Variants in USP33 observed in about 807,000 individuals in gnomAD.
USP33 encodes ubiquitin carboxyl-terminal hydrolase 33.
Under a neutral mutation model 124.2 loss-of-function variants are expected in USP33, and 46 were observed. The ratio of observed to expected loss-of-function variants is 0.37; its 90% CI spans 0.29 to 0.47. USP33 has a LOEUF of 0.47. Ranked by LOEUF, USP33 falls within the 20% of genes least tolerant of loss-of-function variation. The probability of loss-of-function intolerance (pLI) is 0.99; values close to 1 mark genes in which losing one functional copy is unlikely to be tolerated. For missense variants in USP33, 851 were observed against 1,070.6 expected (o/e 0.79, Z 2.86); for synonymous variants, 350 against 352.3 (o/e 0.99, Z 0.07).
intron 14 of USP33, 67 bp from the exon 15 acceptor site, chr1:77,721,272 T>C: frequency 1.9e-6 from 3 of 1,578,128 alleles, no homozygotes; most frequent in Middle Eastern, 1.7e-4. Context: ...GGTCCTGTAA[T>C]TATTTGATTT....
intron 7 of USP33, 49 bp from the exon 8 acceptor site, chr1:77,730,780 G>T: frequency 1.6e-6 from 2 of 1,256,848 alleles, no homozygotes; most frequent in South Asian, 3.3e-5. Flanking sequence ...AGCTAATACT[G>T]ATTATTTCTA....
At chr1:77,748,778 C>CG (rs1557870942) in intron 1 of USP33, among the ~76,000 whole-genome samples, 3 of 51,462 alleles carry the variant, frequency 5.8e-5, no homozygotes, top group East Asian at 7.5e-4. Context: ...CATTCCTTCC[C>CG]TCCCCCCCCC....
intron 5 of USP33, among the ~76,000 whole-genome samples, chr1:77,738,691 A>G (rs1306160795): frequency 6.6e-6 from 1 of 152,168 alleles, no homozygotes; most frequent in East Asian, 1.9e-4. Flanking sequence ...CATGTTAGCC[A>G]GGATGGTCTC....
chr1:77,713,074 A>T, intron 20 of USP33, 126 bp downstream of exon 20: 1 of 724,460 alleles, frequency 1.4e-6, no homozygotes, highest in Non-Finnish European at 2.2e-6. Context: ...CTCACACTTT[A>T]GAATGAATAA....
At chr1:77,704,281 G>A (rs1304074488) in intron 21 of USP33, among the ~76,000 whole-genome samples, 1 of 152,148 alleles carries the variant, frequency 6.6e-6, no homozygotes, top group African/African-American at 2.4e-5. Flanking sequence ...TTTGTCTCAA[G>A]GCATGGAATT....
At chr1:77,725,365 G>A (rs879897144) in intron 11 of USP33, among the ~76,000 whole-genome samples, 2 of 152,024 alleles carry the variant, frequency 1.3e-5, no homozygotes, top group Admixed American at 1.3e-4. Flanking sequence ...TTGTGGTGGT[G>A]GTAACAAGAA....
intron 21 of USP33, 57 bp from the exon 22 acceptor site, chr1:77,701,528 C>T: frequency 7.4e-7 from 1 of 1,352,330 alleles, no homozygotes; most frequent in Non-Finnish European, 1.0e-6. Context: ...TATGGCAAAA[C>T]AATACCATCA....
At chr1:77,715,379 G>T (rs1288829831) in intron 18 of USP33, among the ~76,000 whole-genome samples, 1 of 152,006 alleles carries the variant, frequency 6.6e-6, no homozygotes, top group African/African-American at 2.4e-5. Flanking sequence ...ACTAATTTTT[G>T]TATTTTTAGT....
At chr1:77,754,348 T>A (rs1211070066) in intron 1 of USP33, among the ~76,000 whole-genome samples, 1 of 152,194 alleles carries the variant, frequency 6.6e-6, no homozygotes, top group African/African-American at 2.4e-5. Context: ...GGCTTATCTT[T>A]CCATATTTAT....
chr1:77,729,046 C>T (rs1677488406), intron 9 of USP33, among the ~76,000 whole-genome samples: 1 of 152,042 alleles, frequency 6.6e-6, no homozygotes, highest in African/African-American at 2.4e-5. Context: ...ACCAGATGCA[C>T]GTGCCACCAC....
In USP33 at chr1:77,759,435, G is replaced by A. The variant is rs182740847; in HGVS notation, c.-52+208C>T. 6.2e-3 allele frequency: 2,440 copies of A among 395,532 alleles called. 7 individuals carry two copies. Among genetic ancestry groups the A allele is most frequent in the Non-Finnish European group, 8.2e-3 (1,849 of 224,526 alleles). The allele number at this position is 395,532 out of a possible 1,614,324, so 24.5% of individuals were successfully genotyped here. ...CCATCCTCCACCGACCGTTGACAGG[G>A]CGACCACTAGATTATCTCTGCAACG... On this transcript the variant is annotated intron_variant, in intron 1 of 23. Transcript: ENST00000370794.
At chr1:77,728,875 A>G (rs1166613860) in intron 9 of USP33, among the ~76,000 whole-genome samples, 163 bp from the exon 10 acceptor site, 2 of 152,226 alleles carry the variant, frequency 1.3e-5, no homozygotes, top group Non-Finnish European at 2.9e-5. Flanking sequence ...AATGAGATGC[A>G]TTAACTTCCA....
At position 77,697,397 on chromosome 1, in the gene USP33, G is replaced by C. The variant is rs1446467589; in HGVS notation, c.2656C>G (p.Leu886Val). 1 of 1,613,262 alleles carries C rather than the reference G, an allele frequency of 6.2e-7. No homozygotes were observed. Among genetic ancestry groups the C allele is most frequent in the Non-Finnish European group, 8.5e-7 (1 of 1,179,840 alleles). ...SIYGGGPEVI[L>V]RPPVVHVDPD... ...TCAACATGAACAACCGGAGGTCGCA[G>C]GATAACTTCAGGCCCTCCACCATAA... is the stretch of plus-strand genomic sequence containing the variant. The change falls in exon 24 of 24, where the codon CTG (leucine) becomes GTG (valine). Residue 886 changes from leucine to valine, a missense_variant. Leu to Val is a conservative substitution (Grantham distance 32, BLOSUM62 1). This residue lies in a region of USP33 where 142 missense variants were observed against 141.8 expected (regional missense o/e 1.00). Coordinates refer to ENST00000370794, the MANE Select transcript of USP33 (RefSeq NM_201624.3).
rs772054093 is a variant in USP33 at position 77,696,975 on chromosome 1, G to A, written c.*342C>T. 5.7e-5 allele frequency: 9 copies of A among 156,764 alleles called. No individual in the cohort carries two copies. Among genetic ancestry groups the A allele is most frequent in the Admixed American group, 1.9e-4 (3 of 15,420 alleles). The allele number at this position is 156,764 out of a possible 1,614,324, so 9.7% of individuals were successfully genotyped here. ...CAGGTGCCTGTAATCCCAGCTACTC[G>A]AGAGGCTGAGGCAGGAGAATCGCTT... On this transcript the variant is annotated 3_prime_UTR_variant, in exon 24 of 24. Coordinates refer to ENST00000370794, the MANE Select transcript of USP33 (RefSeq NM_201624.3).
chr1:77,747,362 C>T (rs1679848886), intron 1 of USP33, among the ~76,000 whole-genome samples: 10 of 150,972 alleles, frequency 6.6e-5, no homozygotes, highest in Admixed American at 4.0e-4. Flanking sequence ...CCAAACAATT[C>T]CACTGCCGCA....
intron 7 of USP33, among the ~76,000 whole-genome samples, chr1:77,733,814 C>T (rs1383101719): frequency 6.6e-6 from 1 of 152,152 alleles, no homozygotes; most frequent in Non-Finnish European, 1.5e-5. Context: ...CGTTCAATCT[C>T]CAATCACTGC....
At chr1:77,738,887 G>C (rs938417976) in intron 5 of USP33, among the ~76,000 whole-genome samples, 1 of 152,148 alleles carries the variant, frequency 6.6e-6, no homozygotes, top group Non-Finnish European at 1.5e-5. Context: ...GGGGATGGAG[G>C]GGAGGAGAGA....
intron 15 of USP33, chr1:77,720,182 A>AC (rs2101369588): frequency 6.9e-6 from 3 of 435,722 alleles, no homozygotes; most frequent in Non-Finnish European, 9.2e-6. Context: ...AAAAAAAAAA[A>AC]AAAAAAAAAA....
intron 17 of USP33, among the ~76,000 whole-genome samples, chr1:77,716,971 T>C (rs1038222428): frequency 6.6e-6 from 1 of 151,784 alleles, no homozygotes; most frequent in African/African-American, 2.4e-5. Context: ...GTTCAAGCGA[T>C]TCTCCTGTCT....
Sources: allele counts gnomAD v4.1 joint callset (sites outside exome capture counted in the v4.1 genomes callset), GRCh38; gene constraint gnomAD v4.1.1; regional missense constraint gnomAD v4.1.1; transcripts MANE v1.5; gene names NCBI Gene and HGNC (gene_info 2026-07-23, HGNC 2026-07-21).